Variants in RIF1 observed in about 807,000 individuals in gnomAD.
RIF1 encodes telomere-associated protein RIF1.
A neutral mutation model predicts 247.1 loss-of-function variants in RIF1; 45 were observed. The observed-to-expected ratio is 0.18, with a 90% CI of 0.14 to 0.23. The LOEUF (loss-of-function observed/expected upper bound fraction) is 0.23, where lower values mean the gene tolerates loss of function less well. Ranked by LOEUF, RIF1 falls within the 10% of genes least tolerant of loss-of-function variation. The pLI, the probability that RIF1 is intolerant of heterozygous loss-of-function variation, is 1.00. For missense variants in RIF1, 2,967 were observed against 2,862.5 expected (o/e 1.04, Z -0.83); for synonymous variants, 1,087 against 978.8 (o/e 1.11, Z -2.06).
chr2:151,503,157 A>G (rs2066015644), exon 12 of RIF1: 1 of 596,862 alleles, frequency 1.7e-6, no homozygotes, highest in African/African-American at 1.9e-5. Context: ...TAGTCAAGTC[A>G]CTGAAAATGT....
intron 6 of RIF1, among the ~76,000 whole-genome samples, chr2:151,418,961 T>C (rs1349119295): frequency 1.6e-5 from 2 of 124,034 alleles, no homozygotes; most frequent in Admixed American, 1.2e-4. Flanking sequence ...TCTAGGAGCC[T>C]TAAATTCTTT....
chr2:151,454,601 GT>G (rs1426513249), intron 21 of RIF1, among the ~76,000 whole-genome samples: 1 of 152,082 alleles, frequency 6.6e-6, no homozygotes, highest in Non-Finnish European at 1.5e-5. Flanking sequence ...TAAAATTAAA[GT>G]TTGAGATGCA....
chr2:151,525,415 GTTC>G, the RIF1 span: 1 of 635,386 alleles, frequency 1.6e-6, no homozygotes, highest in East Asian at 2.7e-5. Context: ...CCATATTCTA[GTTC>G]TTCTCTGTCA....
the RIF1 span, chr2:151,530,867 T>C: frequency 2.7e-5 from 17 of 628,206 alleles, no homozygotes; most frequent in South Asian, 6.6e-5. Context: ...AAGAGATGAC[T>C]ATTATTTTAA....
chr2:151,518,252 A>T, the RIF1 span: 2 of 1,175,586 alleles, frequency 1.7e-6, no homozygotes, highest in East Asian at 2.3e-5. Flanking sequence ...AATCTATGAA[A>T]TTTTTTTTCA....
At position 151,409,994 on chromosome 2, in the gene RIF1, A is replaced by G. The variant is rs1383417756; in HGVS notation, c.-50A>G. The G allele has an allele frequency of 2.8e-6, 2 of 702,578 alleles. No individual in the cohort carries two copies. Among genetic ancestry groups the G allele is most frequent in the Non-Finnish European group, 5.2e-6 (2 of 384,784 alleles). The allele number at this position is 702,578 out of a possible 1,614,324, so 43.5% of individuals were successfully genotyped here. The stretch of plus-strand genomic sequence containing the variant: ...GAGCTCTGGCAGCGTCTGGGTGCTG[A>G]GGGGCAGAGGCGGAGAGAACCCTGT... On this transcript the variant is annotated 5_prime_UTR_variant, in exon 1 of 36. Coordinates refer to ENST00000444746, the MANE Select transcript of RIF1 (RefSeq NM_018151.5).
At chr2:151,483,085 G>C (rs1292257155), downstream of RIF1, 1 of 122,744 alleles carries the variant, frequency 8.1e-6, no homozygotes, top group Non-Finnish European at 1.6e-5. Flanking sequence ...AGGCCTTGGG[G>C]GTTAGGACTT....
chr2:151,434,217 G>A (rs1344619645), intron 10 of RIF1, among the ~76,000 whole-genome samples: 2 of 151,264 alleles, frequency 1.3e-5, no homozygotes. Flanking sequence ...GTAGATACAA[G>A]GTTGGACCAG....
At chr2:151,446,983 G>A (rs1211745716) in intron 20 of RIF1, among the ~76,000 whole-genome samples, 16 of 137,372 alleles carry the variant, frequency 1.2e-4, no homozygotes, top group African/African-American at 1.7e-4. Flanking sequence ...TCGCTCTGTC[G>A]CCCAGGCTGG....
the RIF1 span, among the ~76,000 whole-genome samples, chr2:151,523,307 C>G: frequency 6.6e-6 from 1 of 152,156 alleles, no homozygotes; most frequent in Non-Finnish European, 1.5e-5. Context: ...TGCTTTTCAT[C>G]AGTCATCTGA....
chr2:151,460,298 G>A (rs1385992756), intron 26 of RIF1, among the ~76,000 whole-genome samples, 179 bp downstream of exon 26: 1 of 152,130 alleles, frequency 6.6e-6, no homozygotes, highest in Non-Finnish European at 1.5e-5. Flanking sequence ...AGAAGCCTTG[G>A]GTGATGATTC....
In RIF1 at chr2:151,493,354, G is replaced by A. The variant is rs1447428083; in HGVS notation, c.*416-1875G>A. On this transcript the variant is annotated intron_variant and NMD_transcript_variant, in intron 9 of 13. Transcript: ENST00000454583. Reference sequence around the variant, plus strand: ...TTTCTTTTTAGTCCTAGAAAATACCGAGCTAATGTTTTCTTGGTTGCGCTT... The same window carrying A: ...TTTCTTTTTAGTCCTAGAAAATACCAAGCTAATGTTTTCTTGGTTGCGCTT... 4 of 1,606,090 alleles carry A rather than the reference G, an allele frequency of 2.5e-6. No individual in the cohort carries two copies. Among genetic ancestry groups the A allele is most frequent in the African/African-American group, 1.3e-5 (1 of 74,710 alleles).
chr2:151,422,000 A>G (rs1460838772), intron 7 of RIF1, among the ~76,000 whole-genome samples: 3 of 151,272 alleles, frequency 2.0e-5, no homozygotes, highest in South Asian at 2.1e-4. Context: ...CCCGACCGAT[A>G]TTTGTATTTT....
chr2:151,524,399 T>A, the RIF1 span: 1 of 1,614,012 alleles, frequency 6.2e-7, no homozygotes, highest in Non-Finnish European at 8.5e-7. Flanking sequence ...CTTGCGGTGC[T>A]TGGCTCTGTA....
At chr2:151,516,617 C>T in the RIF1 span, 2 of 1,153,592 alleles carry the variant, frequency 1.7e-6, no homozygotes, top group Non-Finnish European at 1.3e-6. Flanking sequence ...TCCTAGACAG[C>T]AGTTTAAGGA....
At chr2:151,459,960 C>A (rs762482211) in intron 25 of RIF1, 40 bp from the exon 26 acceptor site, 9 of 1,432,684 alleles carry the variant, frequency 6.3e-6, no homozygotes, top group African/African-American at 1.5e-5. Context: ...AAAATATTAC[C>A]GTTCTATTTA....
downstream of RIF1, among the ~76,000 whole-genome samples, chr2:151,510,735 C>A (rs992863376): frequency 1.3e-5 from 2 of 152,110 alleles, no homozygotes; most frequent in African/African-American, 2.4e-5. Flanking sequence ...ATAGGAAAAA[C>A]CAGTATATAT....
intron 9 of RIF1, among the ~76,000 whole-genome samples, chr2:151,487,982 G>T (rs1269099753): frequency 6.6e-6 from 1 of 152,026 alleles, no homozygotes; most frequent in East Asian, 1.9e-4. Flanking sequence ...TTGATACTTT[G>T]TATTATGTAC....
chr2:151,469,246 T>C (rs926847606), intron 33 of RIF1, among the ~76,000 whole-genome samples: 7 of 152,162 alleles, frequency 4.6e-5, no homozygotes, highest in Non-Finnish European at 8.8e-5. Flanking sequence ...TATATCTTGA[T>C]TAAAAGAATT....
Sources: allele counts gnomAD v4.1 joint callset (sites outside exome capture counted in the v4.1 genomes callset), GRCh38; gene constraint gnomAD v4.1.1; transcripts MANE v1.5; gene names NCBI Gene and HGNC (gene_info 2026-07-23, HGNC 2026-07-21).